FHIT: variants seen among roughly 807,000 people sequenced by gnomAD.
FHIT encodes the protein bis(5'-adenosyl)-triphosphatase.
FHIT carries 19 observed loss-of-function variants against 17.9 expected under a neutral mutation model. That is an observed-to-expected ratio of 1.06 (90% CI 0.74 to 1.56). The LOEUF (loss-of-function observed/expected upper bound fraction) is 1.56. Among genes scored for constraint, FHIT ranks in the 40% most tolerant of loss-of-function variants. FHIT has a pLI of 0.00. For synonymous variants in FHIT, 81 were observed against 69.7 expected, an observed-to-expected ratio of 1.16 and a Z score of -0.81; for missense variants, 248 against 189.2, an observed-to-expected ratio of 1.31 and a Z score of -1.82.
intron 7 of FHIT, among the ~76,000 whole-genome samples, chr3:60,003,757 A>T (rs951783538): frequency 6.6e-6 from 1 of 152,160 alleles, no homozygotes; most frequent in Non-Finnish European, 1.5e-5. Flanking sequence ...AAAAATAAAA[A>T]TAAAACAAAT....
chr3:60,027,236 A>T (rs1476135988), intron 5 of FHIT, among the ~76,000 whole-genome samples: 1 of 147,456 alleles, frequency 6.8e-6, no homozygotes, highest in Non-Finnish European at 1.5e-5. Context: ...TTTGTATATA[A>T]CTGAAAAAAA....
chr3:60,149,054 A>G (rs1700353926), intron 5 of FHIT, among the ~76,000 whole-genome samples: 1 of 152,174 alleles, frequency 6.6e-6, no homozygotes, highest in Non-Finnish European at 1.5e-5. Flanking sequence ...TGCCAGGGAA[A>G]ATAATTTCCT....
At chr3:60,445,170 C>T (rs1287581824) in intron 5 of FHIT, among the ~76,000 whole-genome samples, 3 of 151,886 alleles carry the variant, frequency 2.0e-5, no homozygotes, top group Non-Finnish European at 2.9e-5. Flanking sequence ...AGACAGTTTC[C>T]CCGGCCCTAT....
intron 4 of FHIT, among the ~76,000 whole-genome samples, chr3:60,710,752 G>A (rs2041505233): frequency 6.6e-6 from 1 of 152,218 alleles, no homozygotes; most frequent in Non-Finnish European, 1.5e-5. Context: ...GCTCACTTAG[G>A]TAAACAAAGC....
intron 3 of FHIT, among the ~76,000 whole-genome samples, chr3:61,037,901 A>T (rs1384414816): frequency 2.0e-5 from 3 of 152,226 alleles, no homozygotes. Context: ...CACAAAAGGG[A>T]CTAAAACACC....
At chr3:60,644,089 T>C (rs1192002438) in intron 4 of FHIT, among the ~76,000 whole-genome samples, 1 of 152,182 alleles carries the variant, frequency 6.6e-6, no homozygotes, top group Non-Finnish European at 1.5e-5. Context: ...CATATCTAAC[T>C]AGGAAACCGT....
At chr3:60,175,702 A>T (rs1391972246) in intron 5 of FHIT, among the ~76,000 whole-genome samples, 1 of 152,220 alleles carries the variant, frequency 6.6e-6, no homozygotes, top group Non-Finnish European at 1.5e-5. Flanking sequence ...TCAGAAGGGC[A>T]ACAAGAACAC....
intron 8 of FHIT, among the ~76,000 whole-genome samples, chr3:59,799,107 TA>T (rs1300003492): frequency 1.7e-5 from 1 of 59,994 alleles, no homozygotes; most frequent in Non-Finnish European, 3.9e-5. Context: ...TCTACTTAAA[TA>T]TTTTTTAACT....
intron 3 of FHIT, among the ~76,000 whole-genome samples, chr3:60,941,717 C>T (rs1708413625): frequency 1.3e-5 from 2 of 152,166 alleles, no homozygotes; most frequent in Non-Finnish European, 1.5e-5. Flanking sequence ...CCACTGAAAC[C>T]GAATCACACA....
intron 8 of FHIT, among the ~76,000 whole-genome samples, chr3:59,760,673 A>C (rs1336788068): frequency 6.6e-6 from 1 of 152,168 alleles, no homozygotes; most frequent in Non-Finnish European, 1.5e-5. Context: ...GGTTCTGAGC[A>C]GAGTTGATTT....
rs570332497 is a variant in FHIT at position 61,208,628 on chromosome 3, G to C, written c.-212-7963C>G. Reference sequence around the variant, plus strand: ...TAAAGACTGTTTTATCAGTGACTAGGATTGCAAACCCTGCCTTTTTTTTTG... The same window carrying C: ...TAAAGACTGTTTTATCAGTGACTAGCATTGCAAACCCTGCCTTTTTTTTTG... On this transcript the variant is annotated intron_variant, in intron 1 of 9. Transcript: ENST00000492590. 1.1e-3 allele frequency among the ~76,000 whole-genome samples: 171 copies of C among 152,090 alleles called. 3 individuals carry two copies. Among genetic ancestry groups the C allele is most frequent in the African/African-American group, 4.0e-3 (166 of 41,526 alleles).
intron 5 of FHIT, among the ~76,000 whole-genome samples, chr3:60,439,600 C>G (rs1283600339): frequency 6.6e-6 from 1 of 152,008 alleles, no homozygotes; most frequent in Non-Finnish European, 1.5e-5. Context: ...AGTGATTCCT[C>G]CAGGCACATC....
intron 5 of FHIT, among the ~76,000 whole-genome samples, chr3:60,192,587 G>A (rs1702455605): frequency 6.6e-6 from 1 of 152,146 alleles, no homozygotes; most frequent in South Asian, 2.1e-4. Context: ...TCTCTACAGG[G>A]CATTCAGAAG....
chr3:60,033,607 G>C (rs1412243613), intron 5 of FHIT, among the ~76,000 whole-genome samples: 1 of 150,980 alleles, frequency 6.6e-6, no homozygotes, highest in Non-Finnish European at 1.5e-5. Context: ...TGTGTGTAGA[G>C]CTAAGAAAAT....
At chr3:59,976,617 C>G (rs1708424178) in intron 7 of FHIT, among the ~76,000 whole-genome samples, 1 of 152,004 alleles carries the variant, frequency 6.6e-6, no homozygotes, top group Admixed American at 6.6e-5. Flanking sequence ...CCCAGCCTCT[C>G]ACGCAGCCCT....
intron 5 of FHIT, among the ~76,000 whole-genome samples, chr3:60,055,890 T>C (rs1041202762): frequency 6.6e-6 from 1 of 152,180 alleles, no homozygotes; most frequent in African/African-American, 2.4e-5. Context: ...ACCAAACAAG[T>C]GGCTCCTAAG....
chr3:60,006,846 G>A (rs76809368), intron 7 of FHIT, among the ~76,000 whole-genome samples: 3,911 of 152,144 alleles, frequency 0.026, 79 homozygotes, highest in East Asian at 0.095. Context: ...ATTTTCAGGT[G>A]GAAAATTTGT....
rs56278897 is a variant in FHIT at position 59,870,874 on chromosome 3, C to CGTGTGTGTGTGT, written c.348+51460_348+51471dup. 4.0e-3 allele frequency among the ~76,000 whole-genome samples: 604 copies of CGTGTGTGTGTGT among 149,864 alleles called. 5 individuals carry two copies. Among genetic ancestry groups the CGTGTGTGTGTGT allele is most frequent in the African/African-American group, 0.014 (580 of 40,726 alleles). On this transcript the variant is annotated intron_variant, in intron 8 of 9. Coordinates refer to ENST00000492590, the MANE Select transcript of FHIT (RefSeq NM_002012.4). The stretch of plus-strand genomic sequence containing the variant: ...TAAAGGGCGTGTGTGTGTGTGTGTG[C>CGTGTGTGTGTGT]GTGTGTGTGTGTGTGTGTATTTAAC...
At chr3:60,687,762 A>G (rs1393167350) in intron 4 of FHIT, among the ~76,000 whole-genome samples, 1 of 152,150 alleles carries the variant, frequency 6.6e-6, no homozygotes, top group Non-Finnish European at 1.5e-5. Context: ...TTAAAGTGTC[A>G]TACAACAATT....
Sources: gnomAD v4.1 joint callset for allele counts (sites outside exome capture counted in the v4.1 genomes callset) on GRCh38, gnomAD v4.1.1 for gene constraint, MANE v1.5 for transcripts, NCBI Gene and HGNC (gene_info 2026-07-23, HGNC 2026-07-21) for gene names.